COL28A1: variants seen among roughly 807,000 people sequenced by gnomAD.
COL28A1 encodes the protein collagen type XXVIII alpha 1 chain.
A neutral mutation model predicts 150.2 loss-of-function variants in COL28A1; 161 were observed. That is an observed-to-expected ratio of 1.07 (90% CI 0.94 to 1.22). The LOEUF (loss-of-function observed/expected upper bound fraction) is 1.22. Among genes scored for constraint, COL28A1 ranks in the 50% most tolerant of loss-of-function variants. COL28A1 has a pLI of 0.00. For missense variants in COL28A1, 1,617 were observed against 1,388.3 expected (o/e 1.16, Z -2.62); for synonymous variants, 552 against 469.7 (o/e 1.18, Z -2.26).
intron 18 of COL28A1, among the ~76,000 whole-genome samples, chr7:7,450,558 C>T (rs1335271918): frequency 6.6e-6 from 1 of 152,144 alleles, no homozygotes; most frequent in Admixed American, 6.5e-5. Context: ...GGAACATCAT[C>T]GCCTACTGCT....
chr7:7,487,898 G>A (rs1779714632), intron 13 of COL28A1, among the ~76,000 whole-genome samples: 2 of 152,142 alleles, frequency 1.3e-5, no homozygotes, highest in Admixed American at 1.3e-4. Flanking sequence ...CTGCCATGTT[G>A]TGAGGAAGCC....
chr7:7,449,632 CACAA>C (rs1311677521), intron 18 of COL28A1, among the ~76,000 whole-genome samples: 1 of 151,640 alleles, frequency 6.6e-6, no homozygotes, highest in Non-Finnish European at 1.5e-5. Flanking sequence ...CAAGAGATTC[CACAA>C]ACAGATTTCA....
Position 7,370,732 on chromosome 7 carries a change from G to C in COL28A1, c.3059C>G (p.Ser1020Cys). Residue 1020 changes from serine to cysteine, a missense_variant, in exon 33 of 35, where the codon TCT becomes TGT. Transcript: ENST00000399429. Reference sequence around the variant, plus strand: ...AGTGAGACAGTTACTTACTGACTCAGAAATTTCTTTTTGAGGCTCTGGAGT... The same window carrying C: ...AGTGAGACAGTTACTTACTGACTCACAAATTTCTTTTTGAGGCTCTGGAGT... Reference protein sequence around the residue: ...ESTPEPQKEISESLSVTRDQD... With the variant: ...ESTPEPQKEICESLSVTRDQD... 6.2e-7 allele frequency: 1 copy of C among 1,610,040 alleles called. No homozygotes were observed. The highest frequency in any genetic ancestry group is 1.1e-5 in the South Asian group (1 of 89,768).
chr7:7,375,019 A>C (rs1047474692), intron 31 of COL28A1, among the ~76,000 whole-genome samples: 4 of 152,200 alleles, frequency 2.6e-5, no homozygotes, highest in East Asian at 1.9e-4. Flanking sequence ...TTTGGGACTG[A>C]GTACAACTCA....
intron 15 of COL28A1, among the ~76,000 whole-genome samples, chr7:7,461,918 C>G (rs1787663880): frequency 6.6e-6 from 1 of 152,164 alleles, no homozygotes; most frequent in African/African-American, 2.4e-5. Flanking sequence ...CACCACCTCC[C>G]AGGAGGAGGC....
chr7:7,394,874 T>C (rs761464219), intron 27 of COL28A1, among the ~76,000 whole-genome samples: 1 of 152,222 alleles, frequency 6.6e-6, no homozygotes, highest in Non-Finnish European at 1.5e-5. Context: ...TAAGAAGAGA[T>C]AGGTATTTTA....
In COL28A1 at chr7:7,381,660, C is replaced by T. The variant is rs751479364; in HGVS notation, c.2137-48G>A. 8.3e-6 allele frequency: 12 copies of T among 1,449,206 alleles called. No individual in the cohort carries two copies. The Admixed American group carries it at 1.9e-4, about 22-fold the overall frequency. 89.8% of individuals were successfully genotyped at this position (1,449,206 alleles called of 1,614,324 possible). ...ATGTTCTATTAATTTCCCAGGATAGCTTGGCTATTCTTTGGGTCAGAAACA... is the reference window on the plus strand; with the variant it reads ...ATGTTCTATTAATTTCCCAGGATAGTTTGGCTATTCTTTGGGTCAGAAACA... On this transcript the variant is annotated intron_variant, in intron 27 of 34. Coordinates refer to ENST00000399429, the MANE Select transcript of COL28A1 (RefSeq NM_001037763.3).
chr7:7,340,131 C>G, the COL28A1 span, among the ~76,000 whole-genome samples: 3 of 151,988 alleles, frequency 2.0e-5, no homozygotes, highest in Non-Finnish European at 2.9e-5. Flanking sequence ...GCTGGTATTA[C>G]AGGTGCACAC....
At chr7:7,526,942 G>A (rs1782057211) in intron 3 of COL28A1, among the ~76,000 whole-genome samples, 1 of 152,098 alleles carries the variant, frequency 6.6e-6, no homozygotes, top group Non-Finnish European at 1.5e-5. Context: ...GCCACAATAA[G>A]CAATATCTTA....
chr7:7,380,702 A>C lies in COL28A1; in HGVS notation c.2287-7T>G, dbSNP rs1407206710. ...CTTTGGGTCCTTGTAAACCCTACTT[A>C]GTGGAAGAAGAGTAAAAGTCAATAT... On this transcript the variant is annotated splice_polypyrimidine_tract_variant and splice_region_variant and intron_variant, in intron 29 of 34. Transcript: ENST00000399429. The C allele has an allele frequency of 1.4e-5, 22 of 1,613,576 alleles. No homozygotes were observed. Among genetic ancestry groups the C allele is most frequent in the Non-Finnish European group, 1.8e-5 (21 of 1,179,492 alleles).
chr7:7,400,893 C>T (rs1783136758), intron 27 of COL28A1, among the ~76,000 whole-genome samples: 1 of 151,664 alleles, frequency 6.6e-6, no homozygotes, highest in South Asian at 2.1e-4. Flanking sequence ...ATTCCCTTTA[C>T]CCTAATTCAT....
chr7:7,345,015 C>T, the COL28A1 span, among the ~76,000 whole-genome samples: 9 of 151,836 alleles, frequency 5.9e-5, no homozygotes, highest in African/African-American at 2.2e-4. Flanking sequence ...CATACACACA[C>T]ACACACACCC....
chr7:7,543,330 T>C, the COL28A1 span, among the ~76,000 whole-genome samples: 2 of 152,358 alleles, frequency 1.3e-5, no homozygotes, highest in South Asian at 2.1e-4. Flanking sequence ...TTGTCAATGA[T>C]ATAAGCAACT....
rs200883297 is a variant in COL28A1, at chr7:7,419,995, G to A, written c.1999-42C>T. ...AATAACAAGTTACTAATTTTTTAAAGACTTTATGTTTTTTTCAATATATAT... is the reference window on the plus strand; with the variant it reads ...AATAACAAGTTACTAATTTTTTAAAAACTTTATGTTTTTTTCAATATATAT... On this transcript the variant is annotated intron_variant, in intron 25 of 34. Transcript: ENST00000399429. 2.2e-6 allele frequency: 3 copies of A among 1,382,104 alleles called. No homozygotes were observed. The African/African-American group carries it at 4.5e-5, about 21-fold the overall frequency. The allele number at this position is 1,382,104 out of a possible 1,614,324, so 85.6% of individuals were successfully genotyped here. A position where few individuals can be genotyped will look rare whatever the true frequency, so the allele number is the denominator to read the frequency against.
intron 27 of COL28A1, among the ~76,000 whole-genome samples, chr7:7,398,345 C>T (rs1782967806): frequency 2.0e-5 from 3 of 152,150 alleles, no homozygotes; most frequent in Non-Finnish European, 2.9e-5. Context: ...TTAGTCCTTG[C>T]TTCCATTTTT....
Position 7,419,877 on chromosome 7 carries a change from G to A in COL28A1, c.2067+8C>T. On this transcript the variant is annotated splice_region_variant and intron_variant, in intron 26 of 34. Coordinates refer to ENST00000399429, the MANE Select transcript of COL28A1 (RefSeq NM_001037763.3). ...ACCCTCACACAAAGCACTGAGCTGAGGACTCACCTTTGGCCCTTGGGTTCC... is the reference window on the plus strand; with the variant it reads ...ACCCTCACACAAAGCACTGAGCTGAAGACTCACCTTTGGCCCTTGGGTTCC... The A allele has an allele frequency of 1.9e-6, 3 of 1,586,254 alleles. No individual in the cohort carries two copies. The highest frequency in any genetic ancestry group is 1.2e-5 in the South Asian group (1 of 86,282).
At chr7:7,432,959 G>A (rs1785085645) in intron 23 of COL28A1, among the ~76,000 whole-genome samples, 3 of 4,486 alleles carry the variant, frequency 6.7e-4, no homozygotes, top group Admixed American at 4.7e-3. Flanking sequence ...TTTGAGTGTG[G>A]GATAACTAGT....
chr7:7,445,863 C>CTT (rs199729364), intron 18 of COL28A1, among the ~76,000 whole-genome samples: 1,422 of 141,870 alleles, frequency 0.01, 18 homozygotes, highest in African/African-American at 0.033. Flanking sequence ...AACTTAATGC[C>CTT]TTTTTTTTTT....
downstream of COL28A1, among the ~76,000 whole-genome samples, chr7:7,352,859 G>A (rs73343287): frequency 7.5e-3 from 1,135 of 152,288 alleles, 14 homozygotes; most frequent in African/African-American, 0.026. Context: ...TCAGCCTGAC[G>A]TCAGTGTGCA....
Sources: allele counts gnomAD v4.1 joint callset (sites outside exome capture counted in the v4.1 genomes callset), GRCh38; gene constraint gnomAD v4.1.1; transcripts MANE v1.5; gene names NCBI Gene and HGNC (gene_info 2026-07-23, HGNC 2026-07-21).